The following USP37 variants were observed in gnomAD, a reference collection of about 807,000 sequenced individuals.
USP37 encodes ubiquitin specific peptidase 37, also known as ubiquitin carboxyl-terminal hydrolase 37.
Under a neutral mutation model 124.0 loss-of-function variants are expected in USP37, and 27 were observed. The observed-to-expected ratio is 0.22, with a 90% CI of 0.16 to 0.30. The LOEUF (loss-of-function observed/expected upper bound fraction) is 0.30. Ranked by LOEUF, USP37 falls within the 10% of genes least tolerant of loss-of-function variation. The pLI is 1.00. For synonymous variants in USP37, 365 were observed against 388.0 expected (o/e 0.94, Z 0.70); for missense variants, 889 against 1,140.4 (o/e 0.78, Z 3.17).
chr2:218,461,498 C>A (rs1690011952), intron 22 of USP37, among the ~76,000 whole-genome samples: 1 of 147,712 alleles, frequency 6.8e-6, no homozygotes, highest in Non-Finnish European at 1.5e-5. Context: ...AAGAGAGAAA[C>A]TCCATCTCAA....
chr2:218,515,991 C>T (rs1171051438), intron 10 of USP37, among the ~76,000 whole-genome samples: 1 of 152,178 alleles, frequency 6.6e-6, no homozygotes, highest in Admixed American at 6.5e-5. Flanking sequence ...AATGAGATAC[C>T]ATCTCATGCC....
intron 20 of USP37, among the ~76,000 whole-genome samples, chr2:218,467,379 C>T (rs539453147): frequency 3.6e-4 from 54 of 150,964 alleles, no homozygotes; most frequent in Non-Finnish European, 6.5e-4. Context: ...GATGGAGTTT[C>T]GCTCTGTTGC....
At position 218,527,987 on chromosome 2, in the gene USP37, G is replaced by A. The variant is rs1691075851; in HGVS notation, c.863+1969C>T. On this transcript the variant is annotated intron_variant, in intron 10 of 25. Transcript: ENST00000258399. ...GGAGGTCAAGGCAGGCACATCATGA[G>A]GTCAGGAAATCGAGACCATCCTGGC... Among the ~76,000 whole-genome samples the A allele has an allele frequency of 2.0e-5, 3 of 152,202 alleles. 1 individual carries two copies. The South Asian group carries it at 6.2e-4, about 32-fold the overall frequency.
chr2:218,546,860 A>G, intron 7 of USP37, 59 bp downstream of exon 7: 2 of 1,548,724 alleles, frequency 1.3e-6, no homozygotes, highest in Non-Finnish European at 1.7e-6. Context: ...TGGTATTTCT[A>G]AAAGGCCTAA....
At chr2:218,485,634 GC>G (rs1481706277) in intron 16 of USP37, 29 bp downstream of exon 16, 2 of 755,112 alleles carry the variant, frequency 2.6e-6, no homozygotes, top group Non-Finnish European at 3.6e-6. Context: ...TTAGTCCATA[GC>G]AAAAAAAAAA....
chr2:218,458,974 C>T (rs1295816924), intron 23 of USP37, among the ~76,000 whole-genome samples: 2 of 150,632 alleles, frequency 1.3e-5, no homozygotes, highest in Admixed American at 1.3e-4. Context: ...GTGAGAATAA[C>T]AAAGAAATAT....
At chr2:218,494,580 G>A (rs917011129) in intron 14 of USP37, among the ~76,000 whole-genome samples, 21 of 152,098 alleles carry the variant, frequency 1.4e-4, no homozygotes, top group Non-Finnish European at 8.8e-5. Context: ...ATGATAGGGC[G>A]GTATACTTAA....
chr2:218,541,617 A>G (rs1234930714), intron 8 of USP37, among the ~76,000 whole-genome samples: 2 of 152,150 alleles, frequency 1.3e-5, no homozygotes, highest in Non-Finnish European at 2.9e-5. Context: ...TGATGGTAGG[A>G]AGAGATGTCA....
chr2:218,558,383 A>C (rs1379000949), intron 4 of USP37, 115 bp downstream of exon 4: 4 of 931,326 alleles, frequency 4.3e-6, no homozygotes, highest in Admixed American at 2.7e-5. Flanking sequence ...TAGAAATAAG[A>C]AGCAAGAAAT....
At chr2:218,458,604 A>T (rs907256427) in intron 23 of USP37, among the ~76,000 whole-genome samples, 2 of 152,088 alleles carry the variant, frequency 1.3e-5, no homozygotes, top group Non-Finnish European at 2.9e-5. Flanking sequence ...ATAAAATAAA[A>T]TAAGGAAAAT....
At chr2:218,457,033 T>G in intron 24 of USP37, 59 bp downstream of exon 24, 1 of 1,527,876 alleles carries the variant, frequency 6.5e-7, no homozygotes, top group Non-Finnish European at 9.0e-7. Flanking sequence ...AGCAATATAA[T>G]AAAGAGCAAA....
At chr2:218,506,216 C>T (rs996348301) in intron 11 of USP37, among the ~76,000 whole-genome samples, 5 of 151,270 alleles carry the variant, frequency 3.3e-5, no homozygotes, top group Admixed American at 2.0e-4. Context: ...CTTCTTCTTC[C>T]GGGACACTAA....
At chr2:218,557,930 CAA>C (rs61488353) in intron 4 of USP37, among the ~76,000 whole-genome samples, 47 of 35,668 alleles carry the variant, frequency 1.3e-3, no homozygotes, top group South Asian at 8.6e-3. Flanking sequence ...GACTCTGTCT[CAA>C]AAAAAAAAAA....
At chr2:218,523,513 C>T (rs1690785534) in intron 10 of USP37, among the ~76,000 whole-genome samples, 1 of 152,146 alleles carries the variant, frequency 6.6e-6, no homozygotes, top group South Asian at 2.1e-4. Context: ...TTTAGAAACA[C>T]CATTAATTTT....
Position 218,476,827 on chromosome 2 carries a change from A to G in USP37, c.2043+13T>C. ...CAAATCTTTGTCAGATGTTTTAAGAAAATATTACTTACTTTTTCCAGGTCT... is the reference window on the plus strand; with the variant it reads ...CAAATCTTTGTCAGATGTTTTAAGAGAATATTACTTACTTTTTCCAGGTCT... On this transcript the variant is annotated intron_variant, in intron 19 of 25. Coordinates refer to ENST00000258399, the MANE Select transcript of USP37 (RefSeq NM_020935.3). 1 of 1,591,636 alleles carries G rather than the reference A, an allele frequency of 6.3e-7. No homozygotes were observed. Among genetic ancestry groups the G allele is most frequent in the African/African-American group, 1.4e-5 (1 of 73,618 alleles).
chr2:218,559,537 AAAAC>A (rs1357625924), intron 3 of USP37, among the ~76,000 whole-genome samples: 1 of 152,216 alleles, frequency 6.6e-6, no homozygotes, highest in Non-Finnish European at 1.5e-5. Flanking sequence ...ATCTCTAGAG[AAAAC>A]AAACAAAAAA....
intron 14 of USP37, among the ~76,000 whole-genome samples, chr2:218,492,817 C>A (rs1441676928): frequency 6.6e-6 from 1 of 151,978 alleles, no homozygotes; most frequent in African/African-American, 2.4e-5. Flanking sequence ...CTAGACTGGG[C>A]AACACAGTGA....
In USP37 at chr2:218,549,836, G is replaced by T. The variant is rs774544927; in HGVS notation, c.402C>A (p.Ser134Arg). The change falls in exon 6 of 26, where the codon AGC becomes AGA. Residue 134 changes from serine (S) to arginine (R), a missense_variant. Physicochemically the swap from Ser to Arg is moderately radical, Grantham distance 110. Transcript: ENST00000258399. ...GATTGTCTGAGTAAGAAAGCTGCCT[G>T]CTGGTTTCCTTCTGTGAGGTCCTGC... Reference protein sequence around the residue: ...LGSRTSQKETSRQLSYSDNQA... With the variant: ...LGSRTSQKETRRQLSYSDNQA... The T allele has an allele frequency of 2.5e-5, 40 of 1,612,884 alleles. No homozygotes were observed. The highest frequency in any genetic ancestry group is 3.3e-5 in the Non-Finnish European group (39 of 1,179,598).
intron 8 of USP37, among the ~76,000 whole-genome samples, chr2:218,542,846 T>C (rs1692065094): frequency 6.6e-6 from 1 of 152,192 alleles, no homozygotes; most frequent in East Asian, 1.9e-4. Flanking sequence ...CTCGCTAGAG[T>C]GAATTTTGTT....
Sources: gnomAD v4.1 joint callset for allele counts (sites outside exome capture counted in the v4.1 genomes callset) on GRCh38, gnomAD v4.1.1 for gene constraint, MANE v1.5 for transcripts, NCBI Gene and HGNC (gene_info 2026-07-23, HGNC 2026-07-21) for gene names.